The following ZBED6 variants were observed in gnomAD, a reference collection of about 807,000 sequenced individuals.
ZBED6 encodes zinc finger BED domain-containing protein 6.
Under a neutral mutation model 58.4 loss-of-function variants are expected in ZBED6, and 40 were observed. The observed-to-expected ratio is 0.68, with a 90% CI of 0.53 to 0.89. ZBED6 has a LOEUF of 0.89. Ranked by LOEUF, ZBED6 falls within the 40% of genes least tolerant of loss-of-function variation. The pLI is 0.00. For missense variants in ZBED6, 1,057 were observed against 1,003.9 expected (o/e 1.05, Z -0.71); for synonymous variants, 439 against 350.6 (o/e 1.25, Z -2.82).
In ZBED6 at chr1:203,819,529, ATTTTTTT is replaced by A. The variant is rs755259647; in HGVS notation, c.*2873+856_*2873+862del. ...GAGCCACCGTGCCCAGCTGACTCCA[ATTTTTTT>A]TTTTTTTTTTTTTTTGAGACAGAGT... is the stretch of plus-strand genomic sequence containing the variant. On this transcript the variant is annotated intron_variant, in intron 3 of 16. Coordinates refer to ENST00000550078, the Ensembl canonical transcript of ZBED6. Among the ~76,000 whole-genome samples the A allele has an allele frequency of 1.3e-3, 96 of 72,878 alleles. 1 individual carries two copies. The highest frequency in any genetic ancestry group is 4.9e-3 in the African/African-American group (86 of 17,410). 47.8% of individuals were successfully genotyped at this position (72,878 alleles called of 152,430 possible). A position where few individuals can be genotyped will look rare whatever the true frequency, so the allele number is the denominator to read the frequency against.
chr1:203,808,527 A>C (rs1316251960), intron 1 of ZBED6, among the ~76,000 whole-genome samples: 2 of 152,170 alleles, frequency 1.3e-5, no homozygotes, highest in African/African-American at 4.8e-5. Flanking sequence ...TTCTTTCATA[A>C]TCTCTACAAA....
exon 1 of ZBED6, chr1:203,800,271 T>A: frequency 9.6e-7 from 1 of 1,040,976 alleles, no homozygotes; most frequent in African/African-American, 1.6e-5. Flanking sequence ...GCAATCTGAA[T>A]GTATCTTTAC....
chr1:203,804,148 ATG>A lies in ZBED6; in HGVS notation c.*2554+1136_*2554+1137del, dbSNP rs200907360. 4.8e-4 allele frequency among the ~76,000 whole-genome samples: 63 copies of A among 131,102 alleles called. 4 individuals carry two copies. The highest frequency in any genetic ancestry group is 4.0e-3 in the Middle Eastern group (1 of 252). The allele number at this position is 131,102 out of a possible 152,430, so 86.0% of individuals were successfully genotyped here. ...ATACTTCTTCATTTTCTTCCTGTAT[ATG>A]TGTTTTTTTTTTTTTTTTTGAGACA... is the stretch of plus-strand genomic sequence containing the variant. On this transcript the variant is annotated intron_variant, in intron 1 of 16. Transcript: ENST00000550078.
chr1:203,805,880 G>A, intron 1 of ZBED6: 5 of 781,970 alleles, frequency 6.4e-6, no homozygotes, highest in Admixed American at 3.6e-5. Flanking sequence ...AGCTGGTCTT[G>A]TAAATTCTCA....
intron 3 of ZBED6, among the ~76,000 whole-genome samples, chr1:203,821,859 A>G (rs979816042): frequency 2.0e-5 from 3 of 151,268 alleles, no homozygotes; most frequent in Non-Finnish European, 4.4e-5. Flanking sequence ...ATTGGTTCAC[A>G]CCATTCTCCT....
At chr1:203,800,847 C>T (rs1483755030) in exon 1 of ZBED6, 2 of 156,320 alleles carry the variant, frequency 1.3e-5, no homozygotes, top group East Asian at 1.9e-4. Context: ...GAAAAAAGTA[C>T]ACTGGCTGGC....
Position 203,853,894 on chromosome 1 carries a change from C to T in ZBED6, c.*6627C>T, listed in dbSNP as rs1228912894. The T allele has an allele frequency of 3.9e-5, 6 of 152,634 alleles. No individual in the cohort carries two copies. In the East Asian group the frequency reaches 1.2e-3, roughly 29 times the overall value. The allele number at this position is 152,634 out of a possible 1,614,324, so 9.5% of individuals were successfully genotyped here. A position where few individuals can be genotyped will look rare whatever the true frequency, so the allele number is the denominator to read the frequency against. ...TTCTCCAAAGCAGAGGTAGAATGTTCAGGTTTCACCATGGATTTTCTACTT... is the reference window on the plus strand; with the variant it reads ...TTCTCCAAAGCAGAGGTAGAATGTTTAGGTTTCACCATGGATTTTCTACTT... On this transcript the variant is annotated 3_prime_UTR_variant, in exon 17 of 17. Transcript: ENST00000550078.
In ZBED6 at chr1:203,834,817, A is replaced by G. The variant is rs368802956; in HGVS notation, c.*3573+964A>G. 1.7e-4 allele frequency among the ~76,000 whole-genome samples: 26 copies of G among 151,566 alleles called. 1 individual carries two copies. The South Asian group carries it at 5.2e-3, about 30-fold the overall frequency. ...GGCACTACCCCTGGCTAATTTTTGTATTTTTAGTAGAGATGGGGTTTCCAC... is the reference window on the plus strand; with the variant it reads ...GGCACTACCCCTGGCTAATTTTTGTGTTTTTAGTAGAGATGGGGTTTCCAC... On this transcript the variant is annotated intron_variant, in intron 9 of 16. Transcript: ENST00000550078.
At chr1:203,809,514 T>G (rs1174500079) in intron 1 of ZBED6, among the ~76,000 whole-genome samples, 2 of 152,104 alleles carry the variant, frequency 1.3e-5, no homozygotes, top group Non-Finnish European at 2.9e-5. Flanking sequence ...TTTGTAGCAA[T>G]GCTATATCCT....
At chr1:203,842,161 G>A (rs1191127507) in intron 11 of ZBED6, among the ~76,000 whole-genome samples, 6 of 151,858 alleles carry the variant, frequency 4.0e-5, no homozygotes, top group Non-Finnish European at 7.4e-5. Flanking sequence ...GACGATGGGC[G>A]GCCAGGCAGA....
intron 1 of ZBED6, 82 bp downstream of exon 1, chr1:203,803,098 GAAATT>G (rs1671017065): frequency 1.3e-5 from 2 of 152,376 alleles, no homozygotes; most frequent in African/African-American, 2.4e-5. Context: ...GGATCAGTAA[GAAATT>G]AAAAGGCCAT....
At chr1:203,827,664 A>G (rs1681000672) in intron 3 of ZBED6, among the ~76,000 whole-genome samples, 2 of 151,436 alleles carry the variant, frequency 1.3e-5, no homozygotes, top group African/African-American at 2.4e-5. Context: ...CCTGGGTGAC[A>G]GAGCAAGACT....
chr1:203,812,754 G>A (rs1674950242), intron 1 of ZBED6, among the ~76,000 whole-genome samples: 1 of 151,606 alleles, frequency 6.6e-6, no homozygotes, highest in African/African-American at 2.4e-5. Flanking sequence ...GCTAATTTTT[G>A]TATTTTTAGT....
chr1:203,814,244 G>A (rs763858455), intron 1 of ZBED6, among the ~76,000 whole-genome samples: 8 of 151,972 alleles, frequency 5.3e-5, no homozygotes, highest in South Asian at 2.1e-4. Flanking sequence ...TAACCTTTCC[G>A]GCCAGGCGCT....
chr1:203,812,457 G>C (rs563230889), intron 1 of ZBED6, among the ~76,000 whole-genome samples: 3 of 151,206 alleles, frequency 2.0e-5, no homozygotes, highest in South Asian at 4.2e-4. Flanking sequence ...ACATGATTTT[G>C]TTCCTTTTTA....
At chr1:203,802,527 G>T (rs1184172473) in exon 1 of ZBED6, 4 of 152,186 alleles carry the variant, frequency 2.6e-5, no homozygotes, top group African/African-American at 9.7e-5. Context: ...TTATTATACA[G>T]ATAATAAAGA....
At chr1:203,805,973 T>C in intron 1 of ZBED6, 1 of 600,438 alleles carries the variant, frequency 1.7e-6, no homozygotes, top group South Asian at 1.4e-5. Flanking sequence ...TTGGTATCCT[T>C]CAATGACTGG....
chr1:203,851,950 C>G (rs1263566431), intron 16 of ZBED6, among the ~76,000 whole-genome samples, 191 bp from the exon 17 acceptor site: 1 of 81,998 alleles, frequency 1.2e-5, no homozygotes, highest in Non-Finnish European at 2.1e-5. Flanking sequence ...GCCTGGGTGA[C>G]AAAGGGAGAC....
At chr1:203,822,513 T>C (rs1478383160) in intron 3 of ZBED6, among the ~76,000 whole-genome samples, 1 of 152,130 alleles carries the variant, frequency 6.6e-6, no homozygotes, top group East Asian at 1.9e-4. Context: ...ACATGTGAGA[T>C]GCTGTCCTGA....
Sources: allele counts gnomAD v4.1 joint callset (sites outside exome capture counted in the v4.1 genomes callset), GRCh38; gene constraint gnomAD v4.1.1; transcripts MANE v1.5; gene names NCBI Gene and HGNC (gene_info 2026-07-23, HGNC 2026-07-21).